DOCK10: variants seen among roughly 807,000 people sequenced by gnomAD.
DOCK10 encodes dedicator of cytokinesis 10.
A neutral mutation model predicts 280.1 loss-of-function variants in DOCK10; 145 were observed. The ratio of observed to expected loss-of-function variants is 0.52; its 90% confidence interval spans 0.45 to 0.59. The LOEUF is 0.59. DOCK10 is among the 20% of genes least tolerant of loss of function. The probability of loss-of-function intolerance (pLI) is 0.00; values close to 1 mark genes in which losing one functional copy is unlikely to be tolerated. For missense variants in DOCK10, 2,368 were observed against 2,651.7 expected (o/e 0.89, Z 2.35); for synonymous variants, 915 against 942.2 (o/e 0.97, Z 0.53).
At chr2:224,923,832 C>G (rs1701908566) in intron 2 of DOCK10, among the ~76,000 whole-genome samples, 1 of 152,216 alleles carries the variant, frequency 6.6e-6, no homozygotes, top group African/African-American at 2.4e-5. Flanking sequence ...ATCCAACACA[C>G]ATTTTTCTTC....
chr2:224,774,213 T>C (rs143647508), intron 52 of DOCK10, among the ~76,000 whole-genome samples: 2 of 152,326 alleles, frequency 1.3e-5, no homozygotes, highest in East Asian at 3.9e-4. Flanking sequence ...CAGAATGCCC[T>C]TGCTCACCTC....
intron 3 of DOCK10, among the ~76,000 whole-genome samples, chr2:224,906,846 G>A (rs1700677959): frequency 6.6e-6 from 1 of 152,196 alleles, no homozygotes; most frequent in African/African-American, 2.4e-5. Flanking sequence ...TCTAATCAGA[G>A]GTCTGTAACT....
intron 1 of DOCK10, among the ~76,000 whole-genome samples, chr2:224,974,605 C>T (rs555660053): frequency 1.3e-5 from 2 of 151,206 alleles, no homozygotes; most frequent in Admixed American, 6.6e-5. Context: ...ACAAGCATAC[C>T]AGTTTTTTTC....
At chr2:224,927,598 C>T (rs903164927) in intron 2 of DOCK10, among the ~76,000 whole-genome samples, 2 of 152,084 alleles carry the variant, frequency 1.3e-5, no homozygotes, top group Non-Finnish European at 2.9e-5. Flanking sequence ...TAATCTTTCT[C>T]GTGTACCAGA....
At chr2:225,040,532 G>A (rs867842053) in intron 1 of DOCK10, among the ~76,000 whole-genome samples, 159 of 151,882 alleles carry the variant, frequency 1.0e-3, no homozygotes, top group African/African-American at 3.6e-3. Flanking sequence ...GTGTGTGTGT[G>A]TGTGTGTGTG....
chr2:224,783,475 T>C (rs565314656), intron 50 of DOCK10, among the ~76,000 whole-genome samples: 11 of 152,064 alleles, frequency 7.2e-5, no homozygotes, highest in South Asian at 4.2e-4. Context: ...AGGGTTTCAC[T>C]GTGTTAGCCA....
intron 2 of DOCK10, among the ~76,000 whole-genome samples, chr2:224,922,129 A>G (rs997803473): frequency 5.3e-5 from 8 of 150,560 alleles, no homozygotes; most frequent in Non-Finnish European, 1.0e-4. Flanking sequence ...CAAAAAAAAA[A>G]AAAAAAAAAA....
intron 29 of DOCK10, among the ~76,000 whole-genome samples, chr2:224,818,566 T>G (rs1482924958): frequency 1.3e-5 from 2 of 151,904 alleles, no homozygotes; most frequent in African/African-American, 4.8e-5. Flanking sequence ...CCCGGCTAAT[T>G]TTTTTGTATT....
At chr2:225,035,587 T>A (rs7570816) in intron 1 of DOCK10, among the ~76,000 whole-genome samples, 2,232 of 111,146 alleles carry the variant, frequency 0.02, 177 homozygotes, top group African/African-American at 0.086. Context: ...TATATATATA[T>A]AACACTGAAT....
chr2:224,855,908 A>G (rs907502093), intron 15 of DOCK10, among the ~76,000 whole-genome samples: 9 of 152,224 alleles, frequency 5.9e-5, no homozygotes, highest in Admixed American at 3.9e-4. Flanking sequence ...CACAAAGGTA[A>G]TAAGTATTCA....
At chr2:224,950,626 C>T (rs1412098855) in intron 1 of DOCK10, among the ~76,000 whole-genome samples, 3 of 152,108 alleles carry the variant, frequency 2.0e-5, no homozygotes, top group Non-Finnish European at 2.9e-5. Context: ...GGGTTTCCCC[C>T]CTTTATTTAA....
chr2:224,961,468 T>TTCTTTCTTTCTTTCTTTCTTTCTTTTTC (rs10672849), intron 1 of DOCK10, among the ~76,000 whole-genome samples: 2 of 66,620 alleles, frequency 3.0e-5, no homozygotes, highest in African/African-American at 1.4e-4. Flanking sequence ...CTTTCTTTCT[T>TTCTTTCTTTCTTTCTTTCTTTCTTTTTC]TTTCTTTCTT....
At chr2:224,788,976 A>G in intron 48 of DOCK10, 88 bp downstream of exon 48, 1 of 771,728 alleles carries the variant, frequency 1.3e-6, no homozygotes, top group Non-Finnish European at 2.1e-6. Flanking sequence ...AAATAGCTGT[A>G]AGCTTGTTTC....
chr2:225,042,403 C>T lies in DOCK10; in HGVS notation c.-29G>A. 8 of 1,226,950 alleles carry T rather than the reference C, an allele frequency of 6.5e-6. No individual in the cohort carries two copies. The highest frequency in any genetic ancestry group is 2.4e-4 in the Middle Eastern group (1 of 4,190). 76.0% of individuals were successfully genotyped at this position (1,226,950 alleles called of 1,614,324 possible). A position where few individuals can be genotyped will look rare whatever the true frequency, so the allele number is the denominator to read the frequency against. On this transcript the variant is annotated 5_prime_UTR_variant, in exon 1 of 56. Transcript: ENST00000258390. The surrounding 1 kb of genome is among the most constrained non-coding windows in gnomAD (Gnocchi z 5.1). The stretch of plus-strand genomic sequence containing the variant: ...CGGTCACGCCAATCGCGCCGCGGGC[C>T]CGGGGCGCGCCTCCCGCCGGTCTTC...
At chr2:224,909,858 C>T (rs1700913077) in intron 3 of DOCK10, among the ~76,000 whole-genome samples, 1 of 151,622 alleles carries the variant, frequency 6.6e-6, no homozygotes, top group East Asian at 1.9e-4. Context: ...TTTAATTTTA[C>T]ATTTAAGAGA....
intron 11 of DOCK10, among the ~76,000 whole-genome samples, chr2:224,873,594 C>CAAAAAAAAAAAAAAAAAAAAAAAAAAAAA (rs35401247): frequency 3.0e-5 from 1 of 33,656 alleles, no homozygotes; most frequent in Non-Finnish European, 5.6e-5. Flanking sequence ...AAGACCATCT[C>CAAAAAAAAAAAAAAAAAAAAAAAAAAAAA]AAAAAAAAAA....
chr2:224,998,376 A>G (rs1706331307), intron 1 of DOCK10, among the ~76,000 whole-genome samples: 1 of 152,184 alleles, frequency 6.6e-6, no homozygotes, highest in South Asian at 2.1e-4. Flanking sequence ...TCTTGGCTCA[A>G]CACCTTGGTA....
Position 224,916,683 on chromosome 2 carries a change from C to G in DOCK10, c.333+12G>C. On this transcript the variant is annotated intron_variant, in intron 3 of 55. Transcript: ENST00000258390. The stretch of plus-strand genomic sequence containing the variant: ...AAGCCTTAAAATAAAGCATTGGAAG[C>G]ATCACATTTACCTCCTTAACCAGTA... 1 of 1,589,806 alleles carries G rather than the reference C, an allele frequency of 6.3e-7. No individual in the cohort carries two copies. The highest frequency in any genetic ancestry group is 8.6e-7 in the Non-Finnish European group (1 of 1,163,236).
At chr2:224,838,742 T>A (rs922751835) in intron 24 of DOCK10, among the ~76,000 whole-genome samples, 1 of 152,154 alleles carries the variant, frequency 6.6e-6, no homozygotes, top group African/African-American at 2.4e-5. Context: ...TATGACTAAA[T>A]TTTTTAAAAA....
Sources: gnomAD v4.1 joint callset for allele counts (sites outside exome capture counted in the v4.1 genomes callset) on GRCh38, gnomAD v4.1.1 for gene constraint, Gnocchi (gnomAD v3.1) non-coding constraint, MANE v1.5 for transcripts, NCBI Gene and HGNC (gene_info 2026-07-23, HGNC 2026-07-21) for gene names.